The following CBFA2T2 variants were observed in gnomAD, a reference collection of about 807,000 sequenced individuals.
CBFA2T2 encodes the protein CBFA2/RUNX1 partner transcriptional co-repressor 2.
Under a neutral mutation model 62.2 loss-of-function variants are expected in CBFA2T2, and 11 were observed. That is an observed-to-expected ratio of 0.18 (90% CI 0.11 to 0.29). CBFA2T2 has a LOEUF of 0.29. CBFA2T2 is among the 10% of genes least tolerant of loss of function. CBFA2T2 has a pLI of 1.00. For missense variants in CBFA2T2, 592 were observed against 774.1 expected (o/e 0.76, Z 2.79); for synonymous variants, 295 against 287.5 (o/e 1.03, Z -0.27).
chr20:33,548,034 G>A (rs1329060892), intron 1 of CBFA2T2, among the ~76,000 whole-genome samples: 1 of 151,900 alleles, frequency 6.6e-6, no homozygotes, highest in Non-Finnish European at 1.5e-5. Context: ...GCCTCCTTAA[G>A]TGCTGGGATT....
At chr20:33,566,690 G>A (rs1403362606) in intron 1 of CBFA2T2, among the ~76,000 whole-genome samples, 3 of 152,120 alleles carry the variant, frequency 2.0e-5, no homozygotes, top group Non-Finnish European at 2.9e-5. Flanking sequence ...AGGAGGTCGC[G>A]TTTGATCAGA....
At chr20:33,641,511 C>T (rs2016836254) in intron 10 of CBFA2T2, among the ~76,000 whole-genome samples, 1 of 152,176 alleles carries the variant, frequency 6.6e-6, no homozygotes, top group Non-Finnish European at 1.5e-5. Context: ...AGTCATTTTT[C>T]AGCTTTAAAA....
intron 1 of CBFA2T2, among the ~76,000 whole-genome samples, chr20:33,574,423 C>G (rs529522717): frequency 6.6e-6 from 1 of 152,220 alleles, no homozygotes; most frequent in Admixed American, 6.5e-5. Flanking sequence ...GTTGGGAGTT[C>G]CAGACCAGCC....
chr20:33,619,761 C>G (rs2015864964), intron 4 of CBFA2T2, among the ~76,000 whole-genome samples, 155 bp downstream of exon 4: 2 of 152,136 alleles, frequency 1.3e-5, no homozygotes, highest in Admixed American at 1.3e-4. Context: ...AGATAAACGT[C>G]AGGTTTAATG....
intron 8 of CBFA2T2, 45 bp from the exon 9 acceptor site, chr20:33,636,595 T>C: frequency 7.1e-7 from 1 of 1,417,738 alleles, no homozygotes; most frequent in Non-Finnish European, 9.9e-7. Context: ...AAACTGCTGA[T>C]CATAGACAGC....
chr20:33,595,357 G>A (rs554942753), intron 1 of CBFA2T2, among the ~76,000 whole-genome samples: 4 of 151,706 alleles, frequency 2.6e-5, no homozygotes, highest in Admixed American at 6.6e-5. Context: ...GACTACAGGC[G>A]CACACCACCA....
chr20:33,591,179 C>CAAAAAAAAAAAA (rs80021195), intron 1 of CBFA2T2, among the ~76,000 whole-genome samples: 11 of 82,034 alleles, frequency 1.3e-4, no homozygotes, highest in Non-Finnish European at 1.5e-4. Context: ...AACTCCCTCT[C>CAAAAAAAAAAAA]AAAAAAAAAA....
intron 1 of CBFA2T2, among the ~76,000 whole-genome samples, chr20:33,534,630 AAATCAGGTATAT>A (rs1467866473): frequency 2.6e-5 from 4 of 151,890 alleles, no homozygotes; most frequent in Non-Finnish European, 4.4e-5. Flanking sequence ...GTTTTTTTTT[AAATCAGGTATAT>A]AATCAGGTAT....
At chr20:33,608,176 A>G (rs1240525782) in intron 2 of CBFA2T2, among the ~76,000 whole-genome samples, 6 of 152,212 alleles carry the variant, frequency 3.9e-5, no homozygotes, top group African/African-American at 9.6e-5. Flanking sequence ...ACTAGTATAC[A>G]TACATGCACA....
At chr20:33,554,402 C>A (rs541197021) in intron 1 of CBFA2T2, among the ~76,000 whole-genome samples, 1 of 151,540 alleles carries the variant, frequency 6.6e-6, no homozygotes, top group East Asian at 1.9e-4. Flanking sequence ...GCTTGTGCCA[C>A]CTGGCCCAGC....
At chr20:33,546,321 C>A (rs2012566731) in intron 1 of CBFA2T2, among the ~76,000 whole-genome samples, 1 of 151,874 alleles carries the variant, frequency 6.6e-6, no homozygotes, top group South Asian at 2.1e-4. Flanking sequence ...AGGACATTTT[C>A]AGTTGGTATA....
chr20:33,578,970 A>G (rs1236044471), intron 1 of CBFA2T2, among the ~76,000 whole-genome samples: 2 of 152,172 alleles, frequency 1.3e-5, no homozygotes, highest in East Asian at 3.8e-4. Context: ...TAACATGTAC[A>G]TGTAGGATCT....
At chr20:33,509,760 C>T (rs1485846372) in intron 1 of CBFA2T2, among the ~76,000 whole-genome samples, 5 of 151,522 alleles carry the variant, frequency 3.3e-5, no homozygotes, top group African/African-American at 9.7e-5. Flanking sequence ...ACGTGGGAGG[C>T]GGAGCTTGCA....
intron 1 of CBFA2T2, among the ~76,000 whole-genome samples, chr20:33,568,736 T>C (rs1344791830): frequency 1.3e-5 from 2 of 152,210 alleles, no homozygotes; most frequent in African/African-American, 4.8e-5. Context: ...GTGACTGTTA[T>C]TGGCCCCAGC....
rs1055866121 is a variant in CBFA2T2 at position 33,642,413 on chromosome 20, G to T, written c.1488+1882G>T. Among the ~76,000 whole-genome samples, 8 of 151,926 alleles carry T rather than the reference G, an allele frequency of 5.3e-5. 2 individuals are homozygous for T. Among genetic ancestry groups the T allele is most frequent in the Admixed American group, 3.3e-4 (5 of 15,242 alleles). On this transcript the variant is annotated intron_variant, in intron 10 of 10. Transcript: ENST00000342704. ...GCTCAGGAGTTCAAGACCAGCCTTG[G>T]CTAGATGGTGAGACCCCATTTCTGC...
In CBFA2T2 at chr20:33,535,924, G is replaced by A. The variant is rs200938493; in HGVS notation, c.34+45623G>A. The stretch of plus-strand genomic sequence containing the variant: ...TGTTTAACGAAGCACATCTTGCACC[G>A]CCCTTAATCCATTTAAGCCTGAGTG... On this transcript the variant is annotated intron_variant, in intron 1 of 10. Coordinates refer to ENST00000342704, the MANE Select transcript of CBFA2T2 (RefSeq NM_001032999.3). 6.4e-4 allele frequency among the ~76,000 whole-genome samples: 97 copies of A among 152,262 alleles called. 1 individual carries two copies. The East Asian group carries it at 9.5e-3, about 15-fold the overall frequency.
intron 1 of CBFA2T2, among the ~76,000 whole-genome samples, chr20:33,538,721 A>G (rs1362126567): frequency 6.6e-6 from 1 of 152,050 alleles, no homozygotes; most frequent in Non-Finnish European, 1.5e-5. Context: ...CTTCTTTCCA[A>G]TTATCACTTG....
chr20:33,568,357 C>G (rs947762461), intron 1 of CBFA2T2, among the ~76,000 whole-genome samples: 10 of 152,134 alleles, frequency 6.6e-5, no homozygotes, highest in African/African-American at 2.4e-4. Flanking sequence ...GACAGGGAAC[C>G]CAGTTCCCTA....
At chr20:33,537,092 C>T (rs1488302829) in intron 1 of CBFA2T2, among the ~76,000 whole-genome samples, 3 of 152,198 alleles carry the variant, frequency 2.0e-5, no homozygotes, top group African/African-American at 2.4e-5. Flanking sequence ...GGGTGGTGGC[C>T]GGGCAGAGGC....
Sources: allele counts gnomAD v4.1 joint callset (sites outside exome capture counted in the v4.1 genomes callset), GRCh38; gene constraint gnomAD v4.1.1; transcripts MANE v1.5; gene names NCBI Gene and HGNC (gene_info 2026-07-23, HGNC 2026-07-21).